The following UGT3A2 variants were observed in gnomAD, a reference collection of about 807,000 sequenced individuals.
UGT3A2 encodes the protein UDP-glycosyltransferase 3A2.
A neutral mutation model predicts 39.8 loss-of-function variants in UGT3A2; 32 were observed. The observed-to-expected ratio is 0.80, with a 90% CI of 0.61 to 1.08. The LOEUF is 1.08. UGT3A2 is among the 50% of genes least tolerant of loss of function. The pLI is 0.00. For missense variants in UGT3A2, 611 were observed against 637.1 expected, an observed-to-expected ratio of 0.96 and a Z score of 0.44; for synonymous variants, 241 against 230.7, an observed-to-expected ratio of 1.04 and a Z score of -0.40.
Position 36,045,507 on chromosome 5 carries a change from C to A in UGT3A2, c.843+3382G>T, listed in dbSNP as rs147845336. 3.4e-3 allele frequency among the ~76,000 whole-genome samples: 519 copies of A among 151,512 alleles called. 2 individuals are homozygous for A. Among genetic ancestry groups the A allele is most frequent in the African/African-American group, 0.012 (494 of 41,312 alleles). On this transcript the variant is annotated intron_variant, in intron 4 of 6. Coordinates refer to ENST00000282507, the MANE Select transcript of UGT3A2 (RefSeq NM_174914.4). ...GCTCGGGAGGCTGAGGCAGGAGAATCGCTTGAATCCAGGAGGTGGAGGTTG... is the reference window on the plus strand; with the variant it reads ...GCTCGGGAGGCTGAGGCAGGAGAATAGCTTGAATCCAGGAGGTGGAGGTTG...
intron 1 of UGT3A2, among the ~76,000 whole-genome samples, chr5:36,065,428 C>T (rs549077689): frequency 9.7e-4 from 148 of 152,182 alleles, no homozygotes; most frequent in African/African-American, 3.5e-3. Context: ...CAGCTGTTAG[C>T]GGTGGATCTT....
intron 2 of UGT3A2, among the ~76,000 whole-genome samples, chr5:36,057,422 A>G (rs1001802271): frequency 1.3e-5 from 2 of 152,126 alleles, no homozygotes; most frequent in Non-Finnish European, 2.9e-5. Context: ...AATCCTATGA[A>G]AAAACAGAAA....
Position 36,049,124 on chromosome 5 carries a change from T to C in UGT3A2, c.608A>G (p.Asn203Ser), listed in dbSNP as rs140849209. ...GCAGAAACTAAAGAACATCAGAAAA[T>C]TCTTCACTCGGCCCCAGAAGTCCAT... The part of the protein sequence containing the change: ...DHMDFWGRVK[N>S]FLMFFSFCRR... The change falls in exon 4 of 7, where the codon AAT becomes AGT. Residue 203 changes from asparagine to serine, a missense_variant. By Grantham distance (46) the Asn-to-Ser change is conservative. Transcript: ENST00000282507. The C allele has an allele frequency of 6.2e-7, 1 of 1,614,190 alleles. No homozygotes were observed. Among genetic ancestry groups the C allele is most frequent in the East Asian group, 2.2e-5 (1 of 44,880 alleles).
intron 3 of UGT3A2, among the ~76,000 whole-genome samples, chr5:36,049,678 A>G (rs1218339593): frequency 2.0e-5 from 3 of 152,184 alleles, no homozygotes; most frequent in African/African-American, 7.2e-5. Flanking sequence ...TGCCGACTCA[A>G]GGTCTTCTAC....
chr5:36,051,028 T>C (rs186719659), intron 3 of UGT3A2, among the ~76,000 whole-genome samples: 12 of 152,248 alleles, frequency 7.9e-5, no homozygotes, highest in African/African-American at 2.6e-4. Context: ...ATGCTCAAAA[T>C]ATATAACTAA....
At chr5:36,064,534 C>A (rs1027236300) in intron 1 of UGT3A2, among the ~76,000 whole-genome samples, 184 bp from the exon 2 acceptor site, 2 of 152,180 alleles carry the variant, frequency 1.3e-5, no homozygotes, top group Admixed American at 1.3e-4. Flanking sequence ...AGAGCATGGC[C>A]GCCCAAATTT....
chr5:36,049,567 C>T, intron 3 of UGT3A2, 147 bp from the exon 4 acceptor site: 1 of 635,654 alleles, frequency 1.6e-6, no homozygotes, highest in Non-Finnish European at 2.6e-6. Flanking sequence ...CCCACAAATA[C>T]CCTCTGCCAT....
chr5:36,041,333 G>A (rs1741999717), intron 4 of UGT3A2, among the ~76,000 whole-genome samples: 1 of 152,192 alleles, frequency 6.6e-6, no homozygotes, highest in African/African-American at 2.4e-5. Flanking sequence ...GAAAGGTAGA[G>A]GCTTGAAAGA....
chr5:36,043,580 G>A (rs1388152401), intron 4 of UGT3A2, among the ~76,000 whole-genome samples: 2 of 151,708 alleles, frequency 1.3e-5, no homozygotes, highest in East Asian at 3.9e-4. Flanking sequence ...GAAATGAAAA[G>A]TTTGGTTTTG....
chr5:36,036,607 A>C (rs964333798), intron 6 of UGT3A2, among the ~76,000 whole-genome samples: 1 of 152,220 alleles, frequency 6.6e-6, no homozygotes, highest in Non-Finnish European at 1.5e-5. Flanking sequence ...TAGGTCATTG[A>C]AAAATCCAAC....
At chr5:36,064,773 G>A (rs1484539051) in intron 1 of UGT3A2, among the ~76,000 whole-genome samples, 1 of 152,180 alleles carries the variant, frequency 6.6e-6, no homozygotes, top group African/African-American at 2.4e-5. Context: ...AAAACAATGA[G>A]AGCTGTTTCT....
intron 2 of UGT3A2, among the ~76,000 whole-genome samples, chr5:36,054,942 TCCTGTCATATTCTCCTC>T (rs1214327736): frequency 6.6e-6 from 1 of 152,238 alleles, no homozygotes; most frequent in East Asian, 1.9e-4. Context: ...CAGCCCTCCT[TCCTGTCATATTCTCCTC>T]CCTGTCATAT....
chr5:36,056,409 T>C (rs921562379), intron 2 of UGT3A2, among the ~76,000 whole-genome samples: 2 of 152,236 alleles, frequency 1.3e-5, no homozygotes, highest in Admixed American at 1.3e-4. Context: ...TGAGACTCCA[T>C]TCATCCCGGG....
rs201441935 is a variant in UGT3A2 at position 36,035,994 on chromosome 5, G to C, written c.1296-20C>G. ...TTGTATCTGTTGAGAGAGATAGAGA[G>C]GGGGCATTACTAATGTGACCTCACA... is the stretch of plus-strand genomic sequence containing the variant. On this transcript the variant is annotated intron_variant, in intron 6 of 6. Coordinates refer to ENST00000282507, the MANE Select transcript of UGT3A2 (RefSeq NM_174914.4). 14 of 1,609,374 alleles carry C rather than the reference G, an allele frequency of 8.7e-6. No homozygotes were observed. In the African/African-American group the frequency reaches 1.9e-4, roughly 22 times the overall value.
rs1741802979 is a variant in UGT3A2, at chr5:36,035,828, T to C, written c.1442A>G (p.His481Arg). 3 of 1,614,192 alleles carry C rather than the reference T, an allele frequency of 1.9e-6. No individual in the cohort carries two copies. Among genetic ancestry groups the C allele is most frequent in the Non-Finnish European group, 2.5e-6 (3 of 1,180,032 alleles). ...LKPYVFQQPWHEQYLLDVFVF... is the reference protein window; with the variant it reads ...LKPYVFQQPWREQYLLDVFVF... ...AAAAACGTCGAGCAGGTACTGCTCA[T>C]GCCAGGGCTGCTGAAAGACATAGGG... is the stretch of plus-strand genomic sequence containing the variant. Residue 481 changes from histidine (H) to arginine (R), a missense_variant, in exon 7 of 7, where the codon CAT becomes CGT. Physicochemically the swap from His to Arg is conservative, Grantham distance 29 (BLOSUM62 0). Transcript: ENST00000282507.
chr5:36,055,268 C>G (rs1220319570), intron 2 of UGT3A2, among the ~76,000 whole-genome samples: 4 of 151,510 alleles, frequency 2.6e-5, no homozygotes, highest in Non-Finnish European at 5.9e-5. Context: ...CTCGTTCTGT[C>G]ACCCACCCAG....
chr5:36,056,033 A>G (rs1371348216), intron 2 of UGT3A2, among the ~76,000 whole-genome samples: 3 of 152,086 alleles, frequency 2.0e-5, no homozygotes, highest in Non-Finnish European at 2.9e-5. Flanking sequence ...CACCGCGCCC[A>G]GCCTCCACAC....
chr5:36,055,491 C>G (rs1053150969), intron 2 of UGT3A2, among the ~76,000 whole-genome samples: 22 of 152,150 alleles, frequency 1.4e-4, no homozygotes, highest in African/African-American at 5.3e-4. Flanking sequence ...ATCAGCCTCC[C>G]AAAGTGCTGG....
intron 2 of UGT3A2, among the ~76,000 whole-genome samples, chr5:36,055,525 C>A (rs570314264): frequency 6.6e-6 from 1 of 152,268 alleles, no homozygotes; most frequent in East Asian, 1.9e-4. Context: ...AGCCACTGTG[C>A]CCGGCCTAGG....
Sources: gnomAD v4.1 joint callset for allele counts (sites outside exome capture counted in the v4.1 genomes callset) on GRCh38, gnomAD v4.1.1 for gene constraint, MANE v1.5 for transcripts, NCBI Gene and HGNC (gene_info 2026-07-23, HGNC 2026-07-21) for gene names.